Variants in PNN observed in about 807,000 individuals in gnomAD.
PNN encodes pinin, desmosome associated protein, also known as pinin.
Under a neutral mutation model 76.6 loss-of-function variants are expected in PNN, and 38 were observed. The ratio of observed to expected loss-of-function variants is 0.50; its 90% CI spans 0.38 to 0.65. The LOEUF is 0.65. Ranked by LOEUF, PNN falls within the 30% of genes least tolerant of loss-of-function variation. The pLI is 0.00. For synonymous variants in PNN, 366 were observed against 283.7 expected, an observed-to-expected ratio of 1.29 and a Z score of -2.91; for missense variants, 873 against 874.1, an observed-to-expected ratio of 1.00 and a Z score of 0.02.
intron 2 of PNN, 170 bp from the exon 3 acceptor site, chr14:39,176,357 T>C: frequency 1.6e-6 from 1 of 639,184 alleles, no homozygotes; most frequent in Non-Finnish European, 2.7e-6. Context: ...CAATTTTGAG[T>C]GAACTTAATT....
chr14:39,182,876 G>T lies in PNN; in HGVS notation c.*1013G>T, dbSNP rs907885495. ...ATTAACTTTGTTGTTTTACAAATTT[G>T]TATGAACTTGGAGTATCTGTTGGCC... On this transcript the variant is annotated 3_prime_UTR_variant, in exon 9 of 9. Transcript: ENST00000216832. 1 of 152,652 alleles carries T rather than the reference G, an allele frequency of 6.6e-6. No homozygotes were observed. Among genetic ancestry groups the T allele is most frequent in the Non-Finnish European group, 1.5e-5 (1 of 68,034 alleles). The allele number at this position is 152,652 out of a possible 1,614,324, so 9.5% of individuals were successfully genotyped here.
Position 39,175,284 on chromosome 14 carries a change from C to T in PNN, c.5C>T (p.Ala2Val). M[A>V]VAVRTLQEQL... ...CAAGCCTGCCGCAGGGAGAAGATGG[C>T]GGTCGCCGTGAGAACTTTGCAGGAA... Residue 2 changes from alanine to valine, a missense_variant, in exon 1 of 9, where the codon GCG becomes GTG. This residue lies in a region of PNN where 156 missense variants were observed against 161.7 expected (regional missense o/e 0.96). Coordinates refer to ENST00000216832, the MANE Select transcript of PNN (RefSeq NM_002687.4). 1.3e-6 allele frequency: 2 copies of T among 1,590,736 alleles called. No individual in the cohort carries two copies. Among genetic ancestry groups the T allele is most frequent in the Non-Finnish European group, 1.7e-6 (2 of 1,163,032 alleles).
rs1475844513 is a variant in PNN, at chr14:39,182,079, T to C, written c.*216T>C. On this transcript the variant is annotated 3_prime_UTR_variant, in exon 9 of 9. Coordinates refer to ENST00000216832, the MANE Select transcript of PNN (RefSeq NM_002687.4). ...CAAAATTATGTGAGGTTCCAAAATA[T>C]GTAAAAATGATAATAATAAAAAAAG... 4.5e-6 allele frequency: 2 copies of C among 449,006 alleles called. No individual in the cohort carries two copies. The highest frequency in any genetic ancestry group is 4.0e-5 in the Admixed American group (1 of 24,984). The allele number at this position is 449,006 out of a possible 1,614,324, so 27.8% of individuals were successfully genotyped here.
chr14:39,177,830 C>T lies in PNN; in HGVS notation c.423-11C>T, dbSNP rs368955851. On this transcript the variant is annotated splice_polypyrimidine_tract_variant and intron_variant, in intron 5 of 8. Transcript: ENST00000216832. ...CCTGTTGACAGTAAATTTTCTTATT[C>T]TGTTCTTTAGGAACCGGCGAATATT... 2 of 1,601,692 alleles carry T rather than the reference C, an allele frequency of 1.2e-6. No homozygotes were observed. Among genetic ancestry groups the T allele is most frequent in the Admixed American group, 1.7e-5 (1 of 59,828 alleles).
At position 39,182,964 on chromosome 14, in the gene PNN, G is replaced by C. The variant is rs2053280246; in HGVS notation, c.*1101G>C. ...GTGTGACTGCTTAAGACTAGTACTT[G>C]TATTAACTTTCTGATGCTTTATACA... On this transcript the variant is annotated 3_prime_UTR_variant, in exon 9 of 9. Transcript: ENST00000216832. 1 of 152,626 alleles carries C rather than the reference G, an allele frequency of 6.6e-6. No homozygotes were observed. Among genetic ancestry groups the C allele is most frequent in the Non-Finnish European group, 1.5e-5 (1 of 68,034 alleles). The allele number at this position is 152,626 out of a possible 1,614,324, so 9.5% of individuals were successfully genotyped here. A position where few individuals can be genotyped will look rare whatever the true frequency, so the allele number is the denominator to read the frequency against.
At chr14:39,178,176 A>G (rs1478888766) in intron 6 of PNN, among the ~76,000 whole-genome samples, 1 of 151,974 alleles carries the variant, frequency 6.6e-6, no homozygotes, top group Non-Finnish European at 1.5e-5. Context: ...CCATTTCCTT[A>G]AAGACAAATT....
rs1466489884 is a variant in PNN, at chr14:39,179,202, A to T, written c.610A>T (p.Thr204Ser). 1 of 1,613,656 alleles carries T rather than the reference A, an allele frequency of 6.2e-7. No homozygotes were observed. Among genetic ancestry groups the T allele is most frequent in the East Asian group, 2.2e-5 (1 of 44,892 alleles). The change falls in exon 7 of 9, where the codon ACA becomes TCA. Residue 204 changes from threonine (T) to serine (S), a missense_variant. Around this residue, in one of 3 missense-constraint regions of PNN, gnomAD observed 712 missense variants for 693.1 expected, o/e 1.03. Coordinates refer to ENST00000216832, the MANE Select transcript of PNN (RefSeq NM_002687.4). ...ELFEERRAKQ[T>S]ELRLLEQKVE... ...GTTTGAAGAGAGGCGTGCTAAACAG[A>T]CAGAACTGCGGCTTTTGGAACAGAA...
In PNN at chr14:39,181,937, G is replaced by A; in HGVS notation, c.*74G>A. ...TGATAAAAAAGGATTACCTTTCCTT[G>A]TAAAGAGGATGCTGCCTTAAGAATT... is the stretch of plus-strand genomic sequence containing the variant. On this transcript the variant is annotated 3_prime_UTR_variant, in exon 9 of 9. Coordinates refer to ENST00000216832, the MANE Select transcript of PNN (RefSeq NM_002687.4). 1 of 1,423,306 alleles carries A rather than the reference G, an allele frequency of 7.0e-7. No individual in the cohort carries two copies. The highest frequency in any genetic ancestry group is 9.4e-7 in the Non-Finnish European group (1 of 1,066,160). 88.2% of individuals were successfully genotyped at this position (1,423,306 alleles called of 1,614,324 possible). A position where few individuals can be genotyped will look rare whatever the true frequency, so the allele number is the denominator to read the frequency against.
rs1228514166 is a variant in PNN at position 39,181,425 on chromosome 14, G to A, written c.1716G>A (p.Lys572=). 1.9e-5 allele frequency: 30 copies of A among 1,614,046 alleles called. No homozygotes were observed. The highest frequency in any genetic ancestry group is 2.5e-5 in the Non-Finnish European group (29 of 1,180,028). ...GTCGAGCTAGAAATAAAACAAGCAA[G>A]AGTAGAAGTCGAAGCAGTAGCAGTA... ...SRGRARNKTS[K]SRSRSSSSSS... Residue 572 remains lysine (K), a synonymous_variant, in exon 9 of 9, where the codon AAG becomes AAA. Coordinates refer to ENST00000216832, the MANE Select transcript of PNN (RefSeq NM_002687.4).
Position 39,176,525 on chromosome 14 carries a change from A to G in PNN, c.186-2A>G. The G allele has an allele frequency of 6.2e-7, 1 of 1,600,018 alleles. No homozygotes were observed. Among genetic ancestry groups the G allele is most frequent in the Non-Finnish European group, 8.5e-7 (1 of 1,171,602 alleles). ...TTTTATGTTGAACATTTTAAATTTC[A>G]GGCGTGGATTCTCAGATAGTGGAGG... On this transcript the variant is annotated splice_acceptor_variant, in intron 2 of 8. Transcript: ENST00000216832. LOFTEE classifies it high-confidence loss of function.
rs775989845 is a variant in PNN at position 39,180,905 on chromosome 14, TA to T, written c.1198del (p.Ile400LeufsTer6). 6.2e-7 allele frequency: 1 copy of T among 1,614,064 alleles called. No homozygotes were observed. Among genetic ancestry groups the T allele is most frequent in the Non-Finnish European group, 8.5e-7 (1 of 1,179,946 alleles). ...GAGATGGTTGAGAATGTCAAACATGTAATTGCTGACCAGGAGGTAATGGAAA... is the reference window on the plus strand; with the variant it reads ...GAGATGGTTGAGAATGTCAAACATGTATTGCTGACCAGGAGGTAATGGAAA... ...VLEMVENVKH[V>X]IADQEVMETN... On this transcript the variant is annotated frameshift_variant, in exon 9 of 9. Coordinates refer to ENST00000216832, the MANE Select transcript of PNN (RefSeq NM_002687.4). LOFTEE classifies it high-confidence loss of function.
In PNN at chr14:39,182,014, A is replaced by G. The variant is rs754748869; in HGVS notation, c.*151A>G. 15 of 677,316 alleles carry G rather than the reference A, an allele frequency of 2.2e-5. No homozygotes were observed. The East Asian group carries it at 2.4e-4, about 11-fold the overall frequency. The allele number at this position is 677,316 out of a possible 1,614,324, so 42.0% of individuals were successfully genotyped here. On this transcript the variant is annotated 3_prime_UTR_variant, in exon 9 of 9. Coordinates refer to ENST00000216832, the MANE Select transcript of PNN (RefSeq NM_002687.4). ...AATACAGACTGTTTGTTTACCAGAC[A>G]TTCTTGTACTTTTTGCATAATTTTG...
intron 6 of PNN, 75 bp from the exon 7 acceptor site, chr14:39,179,016 G>T: frequency 7.3e-7 from 1 of 1,360,862 alleles, no homozygotes; most frequent in South Asian, 1.4e-5. Flanking sequence ...TATCATAATT[G>T]AACTGAAATC....
In PNN at chr14:39,179,229, G is replaced by T; in HGVS notation, c.637G>T (p.Val213Phe). The T allele has an allele frequency of 6.2e-7, 1 of 1,612,380 alleles. No homozygotes were observed. The highest frequency in any genetic ancestry group is 8.5e-7 in the Non-Finnish European group (1 of 1,179,654). The change falls in exon 7 of 9, where the codon GTT (valine) becomes TTT (phenylalanine). Residue 213 changes from valine to phenylalanine, a missense_variant. By Grantham distance (50) the Val-to-Phe change is conservative. Coordinates refer to ENST00000216832, the MANE Select transcript of PNN (RefSeq NM_002687.4). ...QTELRLLEQK[V>F]ELAQLQEEWN... ...AGAACTGCGGCTTTTGGAACAGAAA[G>T]TTGAGCTTGCGCAGCTGGTGAGTGG...
At chr14:39,176,726 A>C (rs2053229041) in intron 3 of PNN, 131 bp downstream of exon 3, 2 of 637,716 alleles carry the variant, frequency 3.1e-6, no homozygotes, top group Admixed American at 6.6e-5. Flanking sequence ...TGCCCCCCCC[A>C]AGTTCTGTTG....
At position 39,179,208 on chromosome 14, in the gene PNN, C is replaced by A. The variant is rs1566558348; in HGVS notation, c.616C>A (p.Leu206Met). 8.7e-6 allele frequency: 14 copies of A among 1,613,114 alleles called. No individual in the cohort carries two copies. The highest frequency in any genetic ancestry group is 1.1e-5 in the Non-Finnish European group (13 of 1,179,808). Residue 206 changes from leucine to methionine, a missense_variant, in exon 7 of 9, where the codon CTG (leucine) becomes ATG (methionine). By Grantham distance (15) the Leu-to-Met change is conservative. Coordinates refer to ENST00000216832, the MANE Select transcript of PNN (RefSeq NM_002687.4). ...FEERRAKQTE[L>M]RLLEQKVELA... ...AGAGAGGCGTGCTAAACAGACAGAA[C>A]TGCGGCTTTTGGAACAGAAAGTTGA...
At chr14:39,177,531 C>T (rs1566557570) in intron 4 of PNN, 47 bp downstream of exon 4, 2 of 1,593,222 alleles carry the variant, frequency 1.3e-6, no homozygotes, top group East Asian at 2.2e-5. Flanking sequence ...CTTCACTTTA[C>T]TACATTTAAA....
chr14:39,181,148 C>G lies in PNN; in HGVS notation c.1439C>G (p.Ser480Cys). 2 of 1,606,194 alleles carry G rather than the reference C, an allele frequency of 1.2e-6. No individual in the cohort carries two copies. Among genetic ancestry groups the G allele is most frequent in the South Asian group, 1.1e-5 (1 of 90,874 alleles). ...PEPVAQPQPQSQPQLQLQSQS... is the reference protein window; with the variant it reads ...PEPVAQPQPQCQPQLQLQSQS... ...CCTGTGGCTCAACCTCAGCCTCAGTCTCAGCCCCAGCTTCAGCTTCAATCC... is the reference window on the plus strand; with the variant it reads ...CCTGTGGCTCAACCTCAGCCTCAGTGTCAGCCCCAGCTTCAGCTTCAATCC... Residue 480 changes from serine to cysteine, a missense_variant, in exon 9 of 9, where the codon TCT becomes TGT. By Grantham distance (112) the Ser-to-Cys change is moderately radical. Transcript: ENST00000216832.
chr14:39,175,951 T>G (rs533269951), intron 1 of PNN, 127 bp from the exon 2 acceptor site: 2 of 628,798 alleles, frequency 3.2e-6, no homozygotes, highest in East Asian at 2.8e-5. Context: ...ACATTTAGAT[T>G]TATTTGAAAC....
Sources: allele counts gnomAD v4.1 joint callset (sites outside exome capture counted in the v4.1 genomes callset), GRCh38; gene constraint gnomAD v4.1.1; regional missense constraint gnomAD v4.1.1; transcripts MANE v1.5; gene names NCBI Gene and HGNC (gene_info 2026-07-23, HGNC 2026-07-21).